The following COL23A1 variants were observed in gnomAD, a reference collection of about 807,000 sequenced individuals.
COL23A1 encodes the protein collagen alpha-1(XXIII) chain.
In COL23A1, 97 loss-of-function variants were observed where a neutral mutation model predicts 99.3. The ratio of observed to expected loss-of-function variants is 0.98; its 90% confidence interval spans 0.83 to 1.16. The LOEUF is 1.16. Ranked by LOEUF, COL23A1 falls within the 50% of genes most tolerant of loss-of-function variation. The pLI is 0.00. For missense variants in COL23A1, 762 were observed against 757.4 expected, an observed-to-expected ratio of 1.01 and a Z score of -0.07; for synonymous variants, 320 against 308.2, an observed-to-expected ratio of 1.04 and a Z score of -0.40.
In COL23A1 at chr5:178,358,615, ATGTATG is replaced by A. The variant is rs1450496686; in HGVS notation, c.362-51702_362-51697del. Among the ~76,000 whole-genome samples, 5 of 107,568 alleles carry A rather than the reference ATGTATG, an allele frequency of 4.6e-5. No individual in the cohort carries two copies. In the South Asian group the frequency reaches 1.6e-3, roughly 35 times the overall value. The allele number at this position is 107,568 out of a possible 152,430, so 70.6% of individuals were successfully genotyped here. A position where few individuals can be genotyped will look rare whatever the true frequency, so the allele number is the denominator to read the frequency against. ...TGTATGTGTATGTGTGTATGCGTGT[ATGTATG>A]TGTGTATGTGTCTAGTGTGTGTGTG... On this transcript the variant is annotated intron_variant, in intron 2 of 28. Coordinates refer to ENST00000390654, the MANE Select transcript of COL23A1 (RefSeq NM_173465.4).
intron 18 of COL23A1, 76 bp downstream of exon 18, chr5:178,249,985 G>GCA (rs5873601): frequency 0.019 from 24,440 of 1,289,540 alleles, 654 homozygotes; most frequent in African/African-American, 0.17. Context: ...ACATGCACAC[G>GCA]CACACACACA....
intron 2 of COL23A1, among the ~76,000 whole-genome samples, chr5:178,508,729 G>C (rs1394357545): frequency 6.6e-6 from 1 of 152,178 alleles, no homozygotes; most frequent in Non-Finnish European, 1.5e-5. Context: ...GGTTAGGGCA[G>C]AGCAGTTCTT....
At chr5:178,492,889 C>T (rs1380852123) in intron 2 of COL23A1, among the ~76,000 whole-genome samples, 4 of 152,070 alleles carry the variant, frequency 2.6e-5, no homozygotes, top group Non-Finnish European at 4.4e-5. Context: ...CTCTGTGCCT[C>T]AGTTCCTTGT....
intron 9 of COL23A1, 59 bp from the exon 10 acceptor site, chr5:178,262,311 C>T: frequency 1.3e-6 from 2 of 1,526,386 alleles, no homozygotes; most frequent in Non-Finnish European, 1.8e-6. Flanking sequence ...GAACTGAGCC[C>T]AAATCTCAGG....
At chr5:178,341,089 A>AT (rs1395501047) in intron 2 of COL23A1, among the ~76,000 whole-genome samples, 2 of 152,010 alleles carry the variant, frequency 1.3e-5, no homozygotes, top group African/African-American at 4.8e-5. Context: ...GCCTGGCTGC[A>AT]TCCCCCCACT....
At chr5:178,312,174 C>T (rs1413974690) in intron 2 of COL23A1, among the ~76,000 whole-genome samples, 1 of 152,152 alleles carries the variant, frequency 6.6e-6, no homozygotes, top group African/African-American at 2.4e-5. Context: ...AAGGGCAGCC[C>T]CGTGGGAAGC....
In COL23A1 at chr5:178,562,118, T is replaced by C. The variant is rs1437261111; in HGVS notation, c.295-1370A>G. 7.7e-6 allele frequency: 4 copies of C among 522,708 alleles called. No homozygotes were observed. The Admixed American group carries it at 9.0e-5, about 12-fold the overall frequency. 32.4% of individuals were successfully genotyped at this position (522,708 alleles called of 1,614,324 possible). A position where few individuals can be genotyped will look rare whatever the true frequency, so the allele number is the denominator to read the frequency against. On this transcript the variant is annotated intron_variant, in intron 1 of 28. Coordinates refer to ENST00000390654, the MANE Select transcript of COL23A1 (RefSeq NM_173465.4). ...AAGCCACAGCGTGGTGGCAGGCGCC[T>C]ATAATCCCAGCTGCTTGGGAGACTG...
intron 2 of COL23A1, among the ~76,000 whole-genome samples, chr5:178,424,259 C>T (rs1185111138): frequency 2.0e-5 from 3 of 152,262 alleles, no homozygotes; most frequent in African/African-American, 7.2e-5. Context: ...CCAGTCCTCT[C>T]CAGGATGAAG....
intron 1 of COL23A1, among the ~76,000 whole-genome samples, chr5:178,578,129 ACAC>A (rs753987885): frequency 2.5e-4 from 37 of 147,610 alleles, no homozygotes; most frequent in Admixed American, 1.1e-3. Context: ...ATGCACACAC[ACAC>A]ATGCATGCAC....
chr5:178,371,732 C>G (rs926066162), intron 2 of COL23A1, among the ~76,000 whole-genome samples: 1 of 152,202 alleles, frequency 6.6e-6, no homozygotes, highest in East Asian at 1.9e-4. Flanking sequence ...AGCTTCCCAC[C>G]AATGTAGAAG....
intron 2 of COL23A1, among the ~76,000 whole-genome samples, chr5:178,513,864 A>T (rs969892374): frequency 3.7e-5 from 2 of 53,670 alleles, no homozygotes; most frequent in Non-Finnish European, 7.2e-5. Flanking sequence ...CTGCTTTTTT[A>T]AAAAATTATT....
chr5:178,369,663 T>A (rs1056959557), intron 2 of COL23A1, among the ~76,000 whole-genome samples: 1 of 152,160 alleles, frequency 6.6e-6, no homozygotes, highest in Non-Finnish European at 1.5e-5. Flanking sequence ...GGAGTTTCCC[T>A]GCACACGCTC....
rs368053501 is a variant in COL23A1, at chr5:178,288,345, T to C, written c.420A>G (p.Gln140=). 2.5e-6 allele frequency: 4 copies of C among 1,611,864 alleles called. No homozygotes were observed. In the African/African-American group the frequency reaches 5.3e-5, roughly 22 times the overall value. ...GRRGDPGPPG[Q]SGRDGYPGPL... is the part of the protein sequence containing the mutation. ...TTACCGGGTAGCCATCTCGTCCTGA[T>C]TGCCCCTGTGGTAATTAATATGTCA... The change falls in exon 5 of 29, where the codon CAA becomes CAG. Residue 140 remains glutamine (Q), a synonymous_variant. Coordinates refer to ENST00000390654, the MANE Select transcript of COL23A1 (RefSeq NM_173465.4).
chr5:178,486,261 T>A (rs762816412), intron 2 of COL23A1, among the ~76,000 whole-genome samples: 1 of 152,204 alleles, frequency 6.6e-6, no homozygotes, highest in African/African-American at 2.4e-5. Context: ...AGGACGGTTG[T>A]CAGTGGGTGA....
At chr5:178,370,359 G>A (rs182081864) in intron 2 of COL23A1, among the ~76,000 whole-genome samples, 490 of 152,332 alleles carry the variant, frequency 3.2e-3, no homozygotes, top group Non-Finnish European at 5.3e-3. Context: ...CCTGTCATTT[G>A]AGACAATATG....
intron 1 of COL23A1, among the ~76,000 whole-genome samples, chr5:178,564,983 T>C (rs1034649883): frequency 6.6e-6 from 1 of 152,174 alleles, no homozygotes; most frequent in Non-Finnish European, 1.5e-5. Context: ...TATGCAGAAG[T>C]TGCACCGTAA....
At chr5:178,325,814 T>C (rs1478715753) in intron 2 of COL23A1, among the ~76,000 whole-genome samples, 3 of 152,242 alleles carry the variant, frequency 2.0e-5, no homozygotes, top group African/African-American at 4.8e-5. Context: ...CAGCGGCCTG[T>C]GCCTGGGTCT....
At chr5:178,509,979 T>G (rs987329700) in intron 2 of COL23A1, among the ~76,000 whole-genome samples, 4 of 152,334 alleles carry the variant, frequency 2.6e-5, no homozygotes, top group Admixed American at 2.0e-4. Flanking sequence ...ATTTCCGTCC[T>G]TAGTGCTCAC....
chr5:178,405,559 G>A (rs937466061), intron 2 of COL23A1, among the ~76,000 whole-genome samples: 8 of 152,158 alleles, frequency 5.3e-5, no homozygotes, highest in Non-Finnish European at 8.8e-5. Flanking sequence ...ATACCCAAAT[G>A]TGACATGCAA....
Sources: gnomAD v4.1 joint callset for allele counts (sites outside exome capture counted in the v4.1 genomes callset) on GRCh38, gnomAD v4.1.1 for gene constraint, MANE v1.5 for transcripts, NCBI Gene and HGNC (gene_info 2026-07-23, HGNC 2026-07-21) for gene names.